Variants in GPSM1 observed in about 807,000 individuals in gnomAD.
The protein encoded by GPSM1 is G protein signaling modulator 1.
GPSM1 carries 48 observed loss-of-function variants against 70.5 expected under a neutral mutation model. The ratio of observed to expected loss-of-function variants is 0.68; its 90% confidence interval spans 0.54 to 0.87. The LOEUF (loss-of-function observed/expected upper bound fraction) is 0.87. Ranked by LOEUF, GPSM1 falls within the 40% of genes least tolerant of loss-of-function variation. The pLI is 0.00. For synonymous variants in GPSM1, 416 were observed against 430.1 expected (o/e 0.97, Z 0.41); for missense variants, 981 against 972.6 (o/e 1.01, Z -0.11).
rs1457342747 is a variant in GPSM1 at position 136,345,733 on chromosome 9, T to C, written c.1208-2964T>C. Among the ~76,000 whole-genome samples, 5 of 151,950 alleles carry C rather than the reference T, an allele frequency of 3.3e-5. No homozygotes were observed. In the East Asian group the frequency reaches 9.7e-4, roughly 29 times the overall value. Reference sequence around the variant, plus strand: ...GACGGAGCGGGGCTCTCGCTGGGTGTGGTAAGTGAAGGGCCCGCCCCAGCA... The same window carrying C: ...GACGGAGCGGGGCTCTCGCTGGGTGCGGTAAGTGAAGGGCCCGCCCCAGCA... On this transcript the variant is annotated intron_variant, in intron 9 of 13. Transcript: ENST00000440944.
At position 136,342,279 on chromosome 9, in the gene GPSM1, C is replaced by G. The variant is rs532616076; in HGVS notation, c.1207+1286C>G. On this transcript the variant is annotated intron_variant, in intron 9 of 13. Coordinates refer to ENST00000440944, the MANE Select transcript of GPSM1 (RefSeq NM_001145638.3). The surrounding 1 kb of genome is among the most constrained non-coding windows in gnomAD (Gnocchi z 5.5). Reference sequence around the variant, plus strand: ...CTCGGCACTGCCACCATCTGGGACCCCAGCAGCAACTGGCAGCAGGGCTGG... The same window carrying G: ...CTCGGCACTGCCACCATCTGGGACCGCAGCAGCAACTGGCAGCAGGGCTGG... Among the ~76,000 whole-genome samples, 34 of 152,274 alleles carry G rather than the reference C, an allele frequency of 2.2e-4. No individual in the cohort carries two copies. The highest frequency in any genetic ancestry group is 1.6e-3 in the Admixed American group (25 of 15,302).
chr9:136,340,675 C>T lies in GPSM1; in HGVS notation c.1084-195C>T, dbSNP rs1281993351. ...TTGAGGACCTGTGGGGCCACCTCAC[C>T]CAGGGACAGACCCCCAGACTCCACC... is the stretch of plus-strand genomic sequence containing the variant. On this transcript the variant is annotated intron_variant, in intron 8 of 13. Coordinates refer to ENST00000440944, the MANE Select transcript of GPSM1 (RefSeq NM_001145638.3). The surrounding 1 kb of genome is among the most constrained non-coding windows in gnomAD (Gnocchi z 7.3). Among the ~76,000 whole-genome samples the T allele has an allele frequency of 6.6e-6, 1 of 152,014 alleles. No homozygotes were observed. Among genetic ancestry groups the T allele is most frequent in the Non-Finnish European group, 1.5e-5 (1 of 67,972 alleles).
rs149381975 is a variant in GPSM1, at chr9:136,348,725, G to A, written c.1236G>A (p.Leu412=). Residue 412 remains leucine, a synonymous_variant, in exon 10 of 14, where the codon CTG becomes CTA. Coordinates refer to ENST00000440944, the MANE Select transcript of GPSM1 (RefSeq NM_001145638.3). Reference sequence around the variant, plus strand: ...CCAGACCCAAGAGGACGCAGAGGCTGAGCGCGGAGACCTGGGACCTGCTGA... The same window carrying A: ...CCAGACCCAAGAGGACGCAGAGGCTAAGCGCGGAGACCTGGGACCTGCTGA... ...QGARPKRTQR[L]SAETWDLLRL... 1.5e-4 allele frequency: 249 copies of A among 1,612,318 alleles called. No individual in the cohort carries two copies. In the African/African-American group the frequency reaches 3.1e-3, roughly 20 times the overall value.
rs782723883 is a variant in GPSM1 at position 136,338,840 on chromosome 9, C to T, written c.974+130C>T. 2.4e-4 allele frequency: 229 copies of T among 953,708 alleles called. 1 individual carries two copies. Among genetic ancestry groups the T allele is most frequent in the Middle Eastern group, 9.8e-4 (3 of 3,054 alleles). 59.1% of individuals were successfully genotyped at this position (953,708 alleles called of 1,614,324 possible). A position where few individuals can be genotyped will look rare whatever the true frequency, so the allele number is the denominator to read the frequency against. On this transcript the variant is annotated intron_variant, in intron 7 of 13. Coordinates refer to ENST00000440944, the MANE Select transcript of GPSM1 (RefSeq NM_001145638.3). ...CCATGCTGTGACCCAGGAGTGGCAA[C>T]GCCACTGTGGGGACTGAGCCAGACA...
rs1420453736 is a variant in GPSM1, at chr9:136,341,570, G to A, written c.1207+577G>A. On this transcript the variant is annotated intron_variant, in intron 9 of 13. Coordinates refer to ENST00000440944, the MANE Select transcript of GPSM1 (RefSeq NM_001145638.3). The surrounding 1 kb of genome is among the most constrained non-coding windows in gnomAD (Gnocchi z 6.7). ...AAGACTAATAGGTGCCAGGGGGGTG[G>A]TGCCAGGTTGGGCCGACTTCCTGAG... 1.9e-6 allele frequency: 2 copies of A among 1,026,126 alleles called. No homozygotes were observed. Among genetic ancestry groups the A allele is most frequent in the African/African-American group, 1.7e-5 (1 of 58,042 alleles). 63.6% of individuals were successfully genotyped at this position (1,026,126 alleles called of 1,614,324 possible).
In GPSM1 at chr9:136,341,446, T is replaced by C; in HGVS notation, c.1207+453T>C. 2.9e-6 allele frequency: 4 copies of C among 1,377,046 alleles called. No homozygotes were observed. Among genetic ancestry groups the C allele is most frequent in the South Asian group, 3.3e-5 (2 of 60,914 alleles). 85.3% of individuals were successfully genotyped at this position (1,377,046 alleles called of 1,614,324 possible). A position where few individuals can be genotyped will look rare whatever the true frequency, so the allele number is the denominator to read the frequency against. ...AGTAATCAGGCAAGGCCCAAGGCCA[T>C]GCGAGGCCACCGTGGTGACCTCATT... On this transcript the variant is annotated intron_variant, in intron 9 of 13. Transcript: ENST00000440944. The surrounding 1 kb of genome is among the most constrained non-coding windows in gnomAD (Gnocchi z 6.7).
At position 136,357,274 on chromosome 9, in the gene GPSM1, G is replaced by T. The variant is rs115908266; in HGVS notation, c.1821+724G>T. On this transcript the variant is annotated intron_variant, in intron 13 of 13. Coordinates refer to ENST00000440944, the MANE Select transcript of GPSM1 (RefSeq NM_001145638.3). Reference sequence around the variant, plus strand: ...TGGGAACAGGCTGGGGGTGGAGGCCGCTTGGCCCACCACGAACCAAGCCAG... The same window carrying T: ...TGGGAACAGGCTGGGGGTGGAGGCCTCTTGGCCCACCACGAACCAAGCCAG... Among the ~76,000 whole-genome samples, 96 of 152,292 alleles carry T rather than the reference G, an allele frequency of 6.3e-4. 1 individual carries two copies. Among genetic ancestry groups the T allele is most frequent in the African/African-American group, 2.3e-3 (95 of 41,560 alleles).
chr9:136,355,697 C>T lies in GPSM1; in HGVS notation c.1463C>T (p.Pro488Leu), dbSNP rs782683543. 22 of 1,611,944 alleles carry T rather than the reference C, an allele frequency of 1.4e-5. 1 individual carries two copies. Among genetic ancestry groups the T allele is most frequent in the Middle Eastern group, 3.3e-4 (2 of 6,056 alleles). The change falls in exon 12 of 14, where the codon CCG becomes CTG. Residue 488 changes from proline (P) to leucine (L), a missense_variant. Pro to Leu is a moderately conservative substitution (Grantham distance 98). Transcript: ENST00000440944. ...ACCCCACTCCCTCCCCAGAGCATCC[C>T]GAGGGCCCCGTCTTCGGACGAGGAG... is the stretch of plus-strand genomic sequence containing the variant. ...VRVHVPRTSI[P>L]RAPSSDEECF...
chr9:136,337,341 G>T, intron 4 of GPSM1, 100 bp from the exon 5 acceptor site: 1 of 1,498,324 alleles, frequency 6.7e-7, no homozygotes, highest in Non-Finnish European at 8.9e-7. Context: ...CCAGGGCATG[G>T]CCCTGAGGCC....
At chr9:136,348,506 C>T (rs895485327) in intron 9 of GPSM1, among the ~76,000 whole-genome samples, 191 bp from the exon 10 acceptor site, 13 of 152,228 alleles carry the variant, frequency 8.5e-5, no homozygotes, top group Middle Eastern at 3.2e-3. Context: ...GACACCTGTC[C>T]CCTTTGACTC....
chr9:136,345,286 G>A (rs145014053), intron 9 of GPSM1, among the ~76,000 whole-genome samples: 50 of 152,230 alleles, frequency 3.3e-4, no homozygotes, highest in Non-Finnish European at 5.0e-4. Flanking sequence ...GCCATGGGGC[G>A]GTGCTGGGAG....
chr9:136,337,013 C>A lies in GPSM1; in HGVS notation c.519C>A (p.Asp173Glu), dbSNP rs1554769362. The stretch of plus-strand genomic sequence containing the variant: ...GGAACGCCGCAAACGCCACGCAGGA[C>A]CCCGGGCACCTGCCGCCCGATGTCC... ...LSWNAANATQ[D>E]PGHLPPDVRE... The change falls in exon 4 of 14, where the codon GAC becomes GAA. Residue 173 changes from aspartate (D) to glutamate (E), a missense_variant. Coordinates refer to ENST00000440944, the MANE Select transcript of GPSM1 (RefSeq NM_001145638.3). 1.9e-6 allele frequency: 3 copies of A among 1,552,304 alleles called. No homozygotes were observed. Among genetic ancestry groups the A allele is most frequent in the Non-Finnish European group, 2.6e-6 (3 of 1,148,094 alleles).
intron 11 of GPSM1, chr9:136,352,947 A>T: frequency 4.7e-6 from 1 of 214,478 alleles, no homozygotes; most frequent in Non-Finnish European, 8.0e-6. Flanking sequence ...GTGTGTGTGC[A>T]CGCACTCAAG....
chr9:136,338,438 AG>A (rs1240152738), intron 6 of GPSM1, 116 bp from the exon 7 acceptor site: 5 of 939,784 alleles, frequency 5.3e-6, no homozygotes, highest in South Asian at 1.7e-5. Context: ...GACCCCAGAG[AG>A]GCCCCAGTGG....
intron 2 of GPSM1, 51 bp downstream of exon 2, chr9:136,334,719 C>G (rs1245520998): frequency 8.9e-6 from 13 of 1,454,624 alleles, no homozygotes; most frequent in Non-Finnish European, 1.2e-5. Context: ...CCTGCTGGCG[C>G]GGTGAGTGGG....
chr9:136,344,715 T>C (rs200685850), intron 9 of GPSM1, among the ~76,000 whole-genome samples: 1 of 91,758 alleles, frequency 1.1e-5, no homozygotes, highest in Non-Finnish European at 2.7e-5. Flanking sequence ...TGGGCAGAGA[T>C]AACAGCCTGT....
At chr9:136,327,806 G>A (rs1554768102) in intron 1 of GPSM1, 43 bp downstream of exon 1, 2 of 825,892 alleles carry the variant, frequency 2.4e-6, no homozygotes, top group Non-Finnish European at 3.2e-6. Flanking sequence ...GGCTGGGACC[G>A]GACCGGGCCG....
chr9:136,340,856 C>T lies in GPSM1; in HGVS notation c.1084-14C>T. The T allele has an allele frequency of 6.4e-7, 1 of 1,560,130 alleles. No individual in the cohort carries two copies. The highest frequency in any genetic ancestry group is 8.7e-7 in the Non-Finnish European group (1 of 1,155,716). On this transcript the variant is annotated splice_polypyrimidine_tract_variant and intron_variant, in intron 8 of 13. Coordinates refer to ENST00000440944, the MANE Select transcript of GPSM1 (RefSeq NM_001145638.3). This position sits in a 1 kb window ranked among gnomAD's most constrained non-coding sequence, Gnocchi z 7.3. Reference sequence around the variant, plus strand: ...CAGCCACACCTGCCCGCTCCGCCACCCCACTCGCCGCAGATCGGGGACCGC... The same window carrying T: ...CAGCCACACCTGCCCGCTCCGCCACTCCACTCGCCGCAGATCGGGGACCGC...
intron 2 of GPSM1, among the ~76,000 whole-genome samples, chr9:136,335,123 T>C (rs1554769038): frequency 6.6e-6 from 1 of 152,152 alleles, no homozygotes; most frequent in African/African-American, 2.4e-5. Context: ...CTCGTGACTG[T>C]GTGTGGCCCA....
Sources: gnomAD v4.1 joint callset for allele counts (sites outside exome capture counted in the v4.1 genomes callset) on GRCh38, gnomAD v4.1.1 for gene constraint, Gnocchi (gnomAD v3.1) non-coding constraint, MANE v1.5 for transcripts, NCBI Gene and HGNC (gene_info 2026-07-23, HGNC 2026-07-21) for gene names.